The following ESYT1 variants were observed in gnomAD, a reference collection of about 807,000 sequenced individuals.
ESYT1 encodes the protein extended synaptotagmin-1.
ESYT1 carries 116 observed loss-of-function variants against 154.2 expected under a neutral mutation model. The observed-to-expected ratio is 0.75, with a 90% CI of 0.65 to 0.88. ESYT1 has a LOEUF of 0.88. Ranked by LOEUF, ESYT1 falls within the 40% of genes least tolerant of loss-of-function variation. The pLI, the probability that ESYT1 is intolerant of heterozygous loss-of-function variation, is 0.00. For synonymous variants in ESYT1, 500 were observed against 539.9 expected (o/e 0.93, Z 1.02); for missense variants, 1,264 against 1,379.3 (o/e 0.92, Z 1.32).
In ESYT1 at chr12:56,132,261, C is replaced by T. The variant is rs757957563; in HGVS notation, c.913C>T (p.Pro305Ser). Reference protein sequence around the residue: ...MDSIAAFLVLPNRLLVPLVPD... With the variant: ...MDSIAAFLVLSNRLLVPLVPD... ...CTCCATTGCTGCCTTCCTCGTGTTG[C>T]CCAACCGATTACTGGTGCCCCTTGT... Residue 305 changes from proline (P) to serine (S), a missense_variant, in exon 8 of 31, where the codon CCC (proline) becomes TCC (serine). Coordinates refer to ENST00000394048, the MANE Select transcript of ESYT1 (RefSeq NM_015292.3). 2 of 1,614,006 alleles carry T rather than the reference C, an allele frequency of 1.2e-6. No homozygotes were observed. Among genetic ancestry groups the T allele is most frequent in the African/African-American group, 2.7e-5 (2 of 74,892 alleles).
intron 15 of ESYT1, 116 bp from the exon 16 acceptor site, chr12:56,136,628 C>A: frequency 1.3e-6 from 1 of 761,658 alleles, no homozygotes. Context: ...CTGAGTGGAG[C>A]AGGAGGTTTG....
chr12:56,144,541 G>T lies in ESYT1; in HGVS notation c.*679G>T. The stretch of plus-strand genomic sequence containing the variant: ...ACGGAGAGGGCTTTGGAGGACTTGG[G>T]ACAGCAGGGCCAATTTTTTTGCCCA... On this transcript the variant is annotated 3_prime_UTR_variant, in exon 31 of 31. Transcript: ENST00000394048. 1.0e-6 allele frequency: 1 copy of T among 985,568 alleles called. No homozygotes were observed. The highest frequency in any genetic ancestry group is 1.2e-6 in the Non-Finnish European group (1 of 830,046). 61.1% of individuals were successfully genotyped at this position (985,568 alleles called of 1,614,324 possible).
intron 24 of ESYT1, among the ~76,000 whole-genome samples, chr12:56,139,811 C>A (rs1421200110): frequency 6.6e-6 from 1 of 151,866 alleles, no homozygotes; most frequent in East Asian, 1.9e-4. Context: ...TGGTCTTGAA[C>A]TCCTGACCTC....
intron 13 of ESYT1, 69 bp from the exon 14 acceptor site, chr12:56,134,041 C>T: frequency 6.3e-7 from 1 of 1,591,634 alleles, no homozygotes. Context: ...TGATGCGATC[C>T]CACCTTCCTT....
Position 56,128,500 on chromosome 12 carries a change from C to A in ESYT1, c.181C>A (p.Arg61=). Reference sequence around the variant, plus strand: ...GGCGGTGCTGACTTCATTCGGGAGGCGGTTGCTGGTGCTGATACCTGTGTA... The same window carrying A: ...GGCGGTGCTGACTTCATTCGGGAGGAGGTTGCTGGTGCTGATACCTGTGTA... ...ALAVLTSFGR[R]LLVLIPVYLA... Residue 61 remains arginine (R), a synonymous_variant, in exon 1 of 31, where the codon CGG becomes AGG. Transcript: ENST00000394048. The A allele has an allele frequency of 6.2e-7, 1 of 1,611,436 alleles. No homozygotes were observed.
In ESYT1 at chr12:56,128,653, G is replaced by T. The variant is rs1373166242; in HGVS notation, c.334G>T (p.Glu112Ter). ...AGCAGCGAGGCAGCTACTGGACGACGAGGAGCAGCTCACTGCGAAAACTCT... is the reference window on the plus strand; with the variant it reads ...AGCAGCGAGGCAGCTACTGGACGACTAGGAGCAGCTCACTGCGAAAACTCT... ...LRAARQLLDDEEQLTAKTLYM... is the reference protein window; with the variant it reads ...LRAARQLLDD Residue 112 changes from glutamate to a stop codon, truncating the protein, a stop_gained, in exon 1 of 31, where the codon GAG (glutamate) becomes TAG (stop). Transcript: ENST00000394048. LOFTEE classifies it high-confidence loss of function. 3 of 1,614,176 alleles carry T rather than the reference G, an allele frequency of 1.9e-6. No homozygotes were observed. The highest frequency in any genetic ancestry group is 2.5e-6 in the Non-Finnish European group (3 of 1,180,032).
intron 3 of ESYT1, 47 bp downstream of exon 3, chr12:56,130,972 G>A: frequency 1.2e-6 from 2 of 1,614,134 alleles, no homozygotes; most frequent in African/African-American, 2.7e-5. Context: ...GGGAGGGTGA[G>A]TGGCCCGGAG....
At position 56,134,387 on chromosome 12, in the gene ESYT1, T is replaced by A. The variant is rs1261414936; in HGVS notation, c.1591T>A (p.Phe531Ile). The A allele has an allele frequency of 1.2e-6, 2 of 1,614,016 alleles. No individual in the cohort carries two copies. Among genetic ancestry groups the A allele is most frequent in the Non-Finnish European group, 1.7e-6 (2 of 1,180,032 alleles). Residue 531 changes from phenylalanine (F) to isoleucine (I), a missense_variant, in exon 15 of 31, where the codon TTC becomes ATC. Transcript: ENST00000394048. ...NCPVWEEAFR[F>I]FLQDPQSQEL... ...CCCAGTGTGGGAGGAAGCGTTCCGG[T>A]TCTTCCTACAAGACCCTCAAAGCCA...
intron 1 of ESYT1, chr12:56,129,273 G>A (rs10747761): frequency 0.82 from 131,554 of 160,650 alleles, 54,780 homozygotes; most frequent in East Asian, 0.97. Flanking sequence ...CTGCAGCGCG[G>A]CAGAGGCGGC....
chr12:56,132,980 G>C (rs1185036532), intron 10 of ESYT1, among the ~76,000 whole-genome samples, 179 bp downstream of exon 10: 1 of 151,972 alleles, frequency 6.6e-6, no homozygotes, highest in Non-Finnish European at 1.5e-5. Context: ...TTAGCCGGGT[G>C]TGGTGGCGGG....
At position 56,133,400 on chromosome 12, in the gene ESYT1, C is replaced by G; in HGVS notation, c.1245-17C>G. ...CCTTTTCTTCCTTTCACTACCCTCTCCCCCGCCAACCCTCAGAATGAAGCT... is the reference window on the plus strand; with the variant it reads ...CCTTTTCTTCCTTTCACTACCCTCTGCCCCGCCAACCCTCAGAATGAAGCT... On this transcript the variant is annotated splice_polypyrimidine_tract_variant and intron_variant, in intron 10 of 30. Coordinates refer to ENST00000394048, the MANE Select transcript of ESYT1 (RefSeq NM_015292.3). 1 of 1,614,146 alleles carries G rather than the reference C, an allele frequency of 6.2e-7. No homozygotes were observed. Among genetic ancestry groups the G allele is most frequent in the Non-Finnish European group, 8.5e-7 (1 of 1,180,004 alleles).
At position 56,143,836 on chromosome 12, in the gene ESYT1, G is replaced by C. The variant is rs985503689; in HGVS notation, c.3289G>C (p.Asp1097His). 2 of 1,613,826 alleles carry C rather than the reference G, an allele frequency of 1.2e-6. No homozygotes were observed. The highest frequency in any genetic ancestry group is 2.7e-5 in the African/African-American group (2 of 74,866). The change falls in exon 31 of 31, where the codon GAC (aspartate) becomes CAC (histidine). Residue 1097 changes from aspartate (D) to histidine (H), a missense_variant. By Grantham distance (81) the Asp-to-His change is moderately conservative. Transcript: ENST00000394048. Reference protein sequence around the residue: ...QGVARWYDLMDNKDKGSS With the variant: ...QGVARWYDLMHNKDKGSS Reference sequence around the variant, plus strand: ...CTCTTTTCACAGGTATGACCTGATGGACAACAAGGACAAGGGCAGCTCCTA... The same window carrying C: ...CTCTTTTCACAGGTATGACCTGATGCACAACAAGGACAAGGGCAGCTCCTA...
In ESYT1 at chr12:56,137,333, G is replaced by A. The variant is rs201252820; in HGVS notation, c.1898G>A (p.Arg633Gln). Residue 633 changes from arginine to glutamine, a missense_variant, in exon 17 of 31, where the codon CGA becomes CAA. Physicochemically the swap from Arg to Gln is conservative, Grantham distance 43. Transcript: ENST00000394048. ...QRGSSVDAPP[R>Q]PCHTTPDSQF... ...GGCAGCAGTGTGGATGCCCCACCTC[G>A]ACCCTGTCACACGACTCCTGATAGC... 169 of 1,614,134 alleles carry A rather than the reference G, an allele frequency of 1.0e-4. No homozygotes were observed. The African/African-American group carries it at 1.8e-3, about 17-fold the overall frequency.
intron 1 of ESYT1, 71 bp from the exon 2 acceptor site, chr12:56,130,511 C>T: frequency 1.9e-6 from 3 of 1,586,162 alleles, no homozygotes; most frequent in Non-Finnish European, 2.6e-6. Flanking sequence ...TGGCACACCA[C>T]CAGCATCTTA....
At chr12:56,130,310 C>G in intron 1 of ESYT1, 1 of 550,892 alleles carries the variant, frequency 1.8e-6, no homozygotes, top group Non-Finnish European at 3.3e-6. Flanking sequence ...TCCCGCTCCT[C>G]TCTCTCTCAG....
At position 56,142,724 on chromosome 12, in the gene ESYT1, T is replaced by C. The variant is rs761656031; in HGVS notation, c.2880T>C (p.His960=). Residue 960 remains histidine, a synonymous_variant, in exon 26 of 31, where the codon CAT becomes CAC. Coordinates refer to ENST00000394048, the MANE Select transcript of ESYT1 (RefSeq NM_015292.3). The surrounding 1 kb of genome is among the most constrained non-coding windows in gnomAD (Gnocchi z 4.1). ...SAPELRQRLT[H]VDSPLEAPAG... ...CAGAGCTCCGGCAGCGCCTAACACA[T>C]GTTGACAGGTAAAGGGCTGGGACAG... is the stretch of plus-strand genomic sequence containing the variant. The C allele has an allele frequency of 7.4e-6, 12 of 1,613,748 alleles. No individual in the cohort carries two copies. In the Admixed American group the frequency reaches 1.7e-4, roughly 22 times the overall value.
Position 56,132,269 on chromosome 12 carries a change from A to G in ESYT1, c.921A>G (p.Arg307=). The G allele has an allele frequency of 6.2e-7, 1 of 1,614,014 alleles. No homozygotes were observed. The highest frequency in any genetic ancestry group is 8.5e-7 in the Non-Finnish European group (1 of 1,180,008). The change falls in exon 8 of 31, where the codon CGA becomes CGG. Residue 307 remains arginine, a synonymous_variant. Coordinates refer to ENST00000394048, the MANE Select transcript of ESYT1 (RefSeq NM_015292.3). ...CTGCCTTCCTCGTGTTGCCCAACCGATTACTGGTGCCCCTTGTGCCTGACC... is the reference window on the plus strand; with the variant it reads ...CTGCCTTCCTCGTGTTGCCCAACCGGTTACTGGTGCCCCTTGTGCCTGACC... ...SIAAFLVLPN[R]LLVPLVPDLQ...
chr12:56,141,491 A>T (rs987202230), intron 24 of ESYT1, among the ~76,000 whole-genome samples: 1 of 152,262 alleles, frequency 6.6e-6, no homozygotes, highest in African/African-American at 2.4e-5. Flanking sequence ...CTGTAATCCC[A>T]GCACTTTGGG....
Position 56,138,042 on chromosome 12 carries a change from A to G in ESYT1, c.2215A>G (p.Thr739Ala). The change falls in exon 20 of 31, where the codon ACC (threonine) becomes GCC (alanine). Residue 739 changes from threonine to alanine, a missense_variant. Coordinates refer to ENST00000394048, the MANE Select transcript of ESYT1 (RefSeq NM_015292.3). ...DFLGRCKVRLTTVLNSGFLDE... is the reference protein window; with the variant it reads ...DFLGRCKVRLATVLNSGFLDE... ...CTTCAACAGGTGTAAAGTGCGTCTC[A>G]CCACAGTCTTAAACAGTGGCTTCCT... 6.2e-7 allele frequency: 1 copy of G among 1,614,180 alleles called. No homozygotes were observed. The highest frequency in any genetic ancestry group is 8.5e-7 in the Non-Finnish European group (1 of 1,180,034).
Sources: allele counts gnomAD v4.1 joint callset (sites outside exome capture counted in the v4.1 genomes callset), GRCh38; gene constraint gnomAD v4.1.1; non-coding constraint Gnocchi (gnomAD v3.1); transcripts MANE v1.5; gene names NCBI Gene and HGNC (gene_info 2026-07-23, HGNC 2026-07-21).